FAT4: variants seen among roughly 807,000 people sequenced by gnomAD.
FAT4 encodes FAT atypical cadherin 4, also known as protocadherin Fat 4.
FAT4 carries 84 observed loss-of-function variants against 303.9 expected under a neutral mutation model. The ratio of observed to expected loss-of-function variants is 0.28; its 90% CI spans 0.23 to 0.33. The LOEUF (loss-of-function observed/expected upper bound fraction) is 0.33, where lower values mean the gene tolerates loss of function less well. Ranked by LOEUF, FAT4 falls within the 10% of genes least tolerant of loss-of-function variation. The pLI is 1.00. For missense variants in FAT4, 6,005 were observed against 6,146.8 expected, an observed-to-expected ratio of 0.98 and a Z score of 0.77; for synonymous variants, 2,307 against 2,298.8, an observed-to-expected ratio of 1.00 and a Z score of -0.10.
At chr4:125,383,893 A>G (rs1298390160) in intron 2 of FAT4, among the ~76,000 whole-genome samples, 2 of 152,162 alleles carry the variant, frequency 1.3e-5, no homozygotes, top group Admixed American at 1.3e-4. Context: ...GCAAAATGTG[A>G]CAAAATTGTT....
At chr4:125,460,284 T>A (rs1726437896) in intron 10 of FAT4, among the ~76,000 whole-genome samples, 1 of 152,154 alleles carries the variant, frequency 6.6e-6, no homozygotes, top group Admixed American at 6.6e-5. Context: ...TTTTATCTAT[T>A]TTTTTAACTT....
At position 125,320,018 on chromosome 4, in the gene FAT4, A is replaced by G. The variant is rs768195896; in HGVS notation, c.3607A>G (p.Ile1203Val). 17 of 1,613,092 alleles carry G rather than the reference A, an allele frequency of 1.1e-5. No individual in the cohort carries two copies. In the South Asian group the frequency reaches 1.6e-4, roughly 16 times the overall value. ...CACTGTACATGTTTACATGAAGGAT[A>G]TAAATGATAATGCTCCCAAATTTTT... ...QATVHVYMKD[I>V]NDNAPKFLKD... The change falls in exon 2 of 18, where the codon ATA becomes GTA. Residue 1203 changes from isoleucine (I) to valine (V), a missense_variant. Physicochemically the swap from Ile to Val is conservative, Grantham distance 29 (BLOSUM62 3). Coordinates refer to ENST00000394329, the MANE Select transcript of FAT4 (RefSeq NM_001291303.3).
At chr4:125,388,453 A>C (rs1292533748) in intron 2 of FAT4, among the ~76,000 whole-genome samples, 1 of 152,178 alleles carries the variant, frequency 6.6e-6, no homozygotes, top group Non-Finnish European at 1.5e-5. Context: ...TTTTATACTA[A>C]AATTTCCCTT....
intron 8 of FAT4, among the ~76,000 whole-genome samples, chr4:125,440,610 T>TGAGAGAGAGAGAGAGA (rs1553925990): frequency 7.7e-4 from 58 of 75,746 alleles, no homozygotes; most frequent in East Asian, 3.6e-3. Flanking sequence ...TGTGTGTGTG[T>TGAGAGAGAGAGAGAGA]GAGAGAGAGA....
rs1229196931 is a variant in FAT4 at position 125,451,937 on chromosome 4, C to G, written c.10927C>G (p.Pro3643Ala). The part of the protein sequence containing the change: ...GILGSVKPQD[P>A]DVLDSFHCSL... The stretch of plus-strand genomic sequence containing the variant: ...TTTAGGCTCTGTGAAGCCACAGGAT[C>G]CAGATGTGTTAGACAGCTTCCACTG... Residue 3643 changes from proline (P) to alanine (A), a missense_variant, in exon 10 of 18, where the codon CCA becomes GCA. By Grantham distance (27) the Pro-to-Ala change is conservative. Transcript: ENST00000394329. 6.2e-7 allele frequency: 1 copy of G among 1,614,090 alleles called. No individual in the cohort carries two copies. The highest frequency in any genetic ancestry group is 1.3e-5 in the African/African-American group (1 of 75,034).
intron 7 of FAT4, 96 bp from the exon 8 acceptor site, chr4:125,434,149 T>A: frequency 8.6e-7 from 1 of 1,157,832 alleles, no homozygotes; most frequent in Non-Finnish European, 1.2e-6. Flanking sequence ...TGATGTTTCC[T>A]AAATTCTCTT....
At chr4:125,339,618 CTATT>C (rs1166785305) in intron 2 of FAT4, among the ~76,000 whole-genome samples, 1 of 152,108 alleles carries the variant, frequency 6.6e-6, no homozygotes, top group East Asian at 1.9e-4. Context: ...AAACAAATGG[CTATT>C]TATGCTATTT....
At chr4:125,466,219 G>T (rs944853441) in intron 11 of FAT4, among the ~76,000 whole-genome samples, 1 of 151,950 alleles carries the variant, frequency 6.6e-6, no homozygotes, top group East Asian at 1.9e-4. Context: ...ATTAAGATGC[G>T]ACCTTTCTGT....
intron 14 of FAT4, among the ~76,000 whole-genome samples, chr4:125,478,156 A>T (rs896024670): frequency 6.6e-6 from 1 of 152,238 alleles, no homozygotes; most frequent in East Asian, 1.9e-4. Context: ...CAGAAATAAA[A>T]CTATTAAAGG....
At chr4:125,479,999 G>A (rs182211949) in intron 15 of FAT4, 134 bp downstream of exon 15, 4 of 667,544 alleles carry the variant, frequency 6.0e-6, no homozygotes, top group African/African-American at 3.7e-5. Flanking sequence ...GACAATAATT[G>A]GTAAAATACA....
At chr4:125,393,133 T>C (rs1329894744) in intron 2 of FAT4, among the ~76,000 whole-genome samples, 2 of 152,190 alleles carry the variant, frequency 1.3e-5, no homozygotes, top group Non-Finnish European at 2.9e-5. Context: ...AAACAAAAGA[T>C]TGTTTTTCTT....
chr4:125,434,068 C>T (rs1725365684), intron 7 of FAT4, among the ~76,000 whole-genome samples, 177 bp from the exon 8 acceptor site: 1 of 152,190 alleles, frequency 6.6e-6, no homozygotes, highest in Non-Finnish European at 1.5e-5. Context: ...TTCTAGTTCA[C>T]AAATGAAAAC....
intron 2 of FAT4, among the ~76,000 whole-genome samples, chr4:125,387,972 TGCAGTTGG>T (rs1171775778): frequency 6.6e-6 from 1 of 152,200 alleles, no homozygotes; most frequent in Non-Finnish European, 1.5e-5. Flanking sequence ...TCTGGATAAC[TGCAGTTGG>T]GCTTCTCTAG....
chr4:125,388,117 A>G (rs1733831459), intron 2 of FAT4, among the ~76,000 whole-genome samples: 1 of 152,200 alleles, frequency 6.6e-6, no homozygotes, highest in East Asian at 1.9e-4. Flanking sequence ...TGACCATGGC[A>G]GAGGTAGAAA....
chr4:125,324,155 G>T (rs990317448), intron 2 of FAT4, among the ~76,000 whole-genome samples: 1 of 151,990 alleles, frequency 6.6e-6, no homozygotes. Flanking sequence ...TTTTTATTTT[G>T]TCTCTTTATG....
At chr4:125,362,739 G>A (rs992663490) in intron 2 of FAT4, 6 of 152,120 alleles carry the variant, frequency 3.9e-5, no homozygotes, top group African/African-American at 1.4e-4. Flanking sequence ...AAAAAATACA[G>A]GATGATTTCT....
chr4:125,340,986 TA>T (rs1560768687), intron 2 of FAT4, among the ~76,000 whole-genome samples: 2 of 152,220 alleles, frequency 1.3e-5, no homozygotes, highest in Non-Finnish European at 2.9e-5. Flanking sequence ...GTAAATGTGT[TA>T]TGTGTTGTTA....
chr4:125,403,986 A>G (rs1734489628), intron 3 of FAT4, among the ~76,000 whole-genome samples: 1 of 152,128 alleles, frequency 6.6e-6, no homozygotes, highest in South Asian at 2.1e-4. Flanking sequence ...TGGGCATTCT[A>G]ATAGTACTTA....
intron 2 of FAT4, among the ~76,000 whole-genome samples, chr4:125,336,069 A>C (rs1731565930): frequency 6.6e-6 from 1 of 152,092 alleles, no homozygotes; most frequent in African/African-American, 2.4e-5. Flanking sequence ...TTGTGATGAC[A>C]TTTTTAATGA....
Sources: gnomAD v4.1 joint callset for allele counts (sites outside exome capture counted in the v4.1 genomes callset) on GRCh38, gnomAD v4.1.1 for gene constraint, MANE v1.5 for transcripts, NCBI Gene and HGNC (gene_info 2026-07-23, HGNC 2026-07-21) for gene names.